The following BCAS4 variants were observed in gnomAD, a reference collection of about 807,000 sequenced individuals.
BCAS4 encodes the protein breast carcinoma-amplified sequence 4.
BCAS4 carries 9 observed loss-of-function variants against 15.7 expected under a neutral mutation model. The ratio of observed to expected loss-of-function variants is 0.57; its 90% confidence interval spans 0.34 to 1.00. BCAS4 has a LOEUF of 1.00. Ranked by LOEUF, BCAS4 falls within the 50% of genes least tolerant of loss-of-function variation. The pLI is 0.02. For synonymous variants in BCAS4, 101 were observed against 99.5 expected (o/e 1.02, Z -0.09); for missense variants, 225 against 239.1 (o/e 0.94, Z 0.39).
At chr20:50,803,704 G>T (rs2087955724) in intron 1 of BCAS4, among the ~76,000 whole-genome samples, 2 of 151,154 alleles carry the variant, frequency 1.3e-5, no homozygotes, top group Admixed American at 6.6e-5. Context: ...AATTAGCCAG[G>T]TGTGGTGGCA....
chr20:50,821,326 C>CGTCTG (rs2088213674), intron 2 of BCAS4, among the ~76,000 whole-genome samples: 1 of 152,250 alleles, frequency 6.6e-6, no homozygotes, highest in South Asian at 2.1e-4. Context: ...GCCAGTTCTG[C>CGTCTG]AAATATGTGA....
At chr20:50,811,053 A>G (rs1277223612) in intron 1 of BCAS4, among the ~76,000 whole-genome samples, 1 of 152,166 alleles carries the variant, frequency 6.6e-6, no homozygotes, top group African/African-American at 2.4e-5. Context: ...TCACCAGTAA[A>G]GGGAACAGCA....
Position 50,841,914 on chromosome 20 carries a change from C to T in BCAS4, c.399+14C>T. The T allele has an allele frequency of 1.9e-6, 3 of 1,550,384 alleles. No homozygotes were observed. The highest frequency in any genetic ancestry group is 2.6e-6 in the Non-Finnish European group (3 of 1,147,252). Reference sequence around the variant, plus strand: ...TCCTTCAGGAACGTGAGTATCCTGCCCCGAGAAGTGAGGGGAGGGCCTCTC... The same window carrying T: ...TCCTTCAGGAACGTGAGTATCCTGCTCCGAGAAGTGAGGGGAGGGCCTCTC... On this transcript the variant is annotated intron_variant, in intron 4 of 4. Coordinates refer to ENST00000371608, the MANE Select transcript of BCAS4 (RefSeq NM_198799.4).
At chr20:50,811,240 C>A (rs1377655527) in intron 1 of BCAS4, among the ~76,000 whole-genome samples, 5 of 152,096 alleles carry the variant, frequency 3.3e-5, no homozygotes, top group Admixed American at 2.0e-4. Flanking sequence ...TGGTGCCCAT[C>A]TGTAGTCCCA....
chr20:50,814,369 T>G (rs2088111634), intron 1 of BCAS4, among the ~76,000 whole-genome samples: 1 of 152,200 alleles, frequency 6.6e-6, no homozygotes, highest in Non-Finnish European at 1.5e-5. Flanking sequence ...CACTGTAGCC[T>G]CAACCTCCTG....
At chr20:50,810,589 G>GTTT (rs11316235) in intron 1 of BCAS4, among the ~76,000 whole-genome samples, 42 of 136,018 alleles carry the variant, frequency 3.1e-4, no homozygotes, top group African/African-American at 9.0e-4. Flanking sequence ...TTTTTTTTGT[G>GTTT]TTTTTTTTTT....
chr20:50,796,474 TATATATATATA>T (rs1296140676), intron 1 of BCAS4, among the ~76,000 whole-genome samples: 28 of 13,494 alleles, frequency 2.1e-3, no homozygotes, highest in African/African-American at 7.7e-3. Flanking sequence ...TATATATATA[TATATATATATA>T]TATTTTTTTT....
At chr20:50,795,489 C>G (rs2087843573) in intron 1 of BCAS4, among the ~76,000 whole-genome samples, 1 of 152,308 alleles carries the variant, frequency 6.6e-6, no homozygotes, top group East Asian at 1.9e-4. Flanking sequence ...CCCGGGACCT[C>G]TGCTGCCCCG....
chr20:50,810,885 C>T (rs183200283), intron 1 of BCAS4, among the ~76,000 whole-genome samples: 9 of 151,700 alleles, frequency 5.9e-5, no homozygotes, highest in South Asian at 2.1e-4. Context: ...CCACCATGCC[C>T]GGCCATGAAA....
intron 1 of BCAS4, among the ~76,000 whole-genome samples, chr20:50,810,747 C>T (rs566927746): frequency 2.5e-4 from 38 of 152,046 alleles, no homozygotes; most frequent in African/African-American, 8.2e-4. Context: ...CCCGCAACAA[C>T]GCCCGGCTAA....
chr20:50,813,707 C>G (rs1250780890), intron 1 of BCAS4, among the ~76,000 whole-genome samples: 1 of 132,322 alleles, frequency 7.6e-6, no homozygotes, highest in African/African-American at 3.1e-5. Flanking sequence ...TTTGTGCCAG[C>G]CCCTTGGTGA....
At chr20:50,808,101 A>G (rs181385200) in intron 1 of BCAS4, among the ~76,000 whole-genome samples, 1 of 151,550 alleles carries the variant, frequency 6.6e-6, no homozygotes, top group East Asian at 1.9e-4. Context: ...TTTAATAGAG[A>G]TGGGGTTTCA....
At chr20:50,836,032 C>G (rs531178756) in intron 3 of BCAS4, among the ~76,000 whole-genome samples, 1 of 152,066 alleles carries the variant, frequency 6.6e-6, no homozygotes, top group African/African-American at 2.4e-5. Flanking sequence ...ATTCTCCTGC[C>G]TCAGCCTCCT....
chr20:50,819,200 A>G lies in BCAS4; in HGVS notation c.162+918A>G, dbSNP rs573180681. ...TGTGTCTCAAAAAAAAAAGAAAAGAAAAAGAAATTGCTTCTAGATCCCAGT... is the reference window on the plus strand; with the variant it reads ...TGTGTCTCAAAAAAAAAAGAAAAGAGAAAGAAATTGCTTCTAGATCCCAGT... On this transcript the variant is annotated intron_variant, in intron 2 of 4. Coordinates refer to ENST00000371608, the MANE Select transcript of BCAS4 (RefSeq NM_198799.4). Among the ~76,000 whole-genome samples the G allele has an allele frequency of 5.3e-5, 8 of 152,138 alleles. No individual in the cohort carries two copies. In the East Asian group the frequency reaches 1.4e-3, roughly 26 times the overall value.
chr20:50,863,672 C>T (rs942237725), intron 4 of BCAS4, among the ~76,000 whole-genome samples: 1 of 152,166 alleles, frequency 6.6e-6, no homozygotes, highest in African/African-American at 2.4e-5. Flanking sequence ...ATGTATGACT[C>T]TGATGTGACA....
intron 2 of BCAS4, among the ~76,000 whole-genome samples, chr20:50,819,792 T>G (rs1172202765): frequency 8.4e-6 from 1 of 118,414 alleles, no homozygotes; most frequent in African/African-American, 3.3e-5. Context: ...GTCTTTGTCT[T>G]TCTGTCTTTC....
chr20:50,812,137 TA>T (rs2088072489), intron 1 of BCAS4, among the ~76,000 whole-genome samples: 8 of 151,938 alleles, frequency 5.3e-5, no homozygotes, highest in Admixed American at 3.9e-4. Flanking sequence ...ACTTTTTATT[TA>T]TTTATTTTTT....
At chr20:50,854,762 C>G (rs1053187869) in intron 4 of BCAS4, among the ~76,000 whole-genome samples, 3 of 152,192 alleles carry the variant, frequency 2.0e-5, no homozygotes, top group South Asian at 2.1e-4. Context: ...GTTCCAAACC[C>G]CCCCCACCAT....
At chr20:50,828,071 C>T (rs370716501) in intron 2 of BCAS4, among the ~76,000 whole-genome samples, 1 of 151,574 alleles carries the variant, frequency 6.6e-6, no homozygotes, top group Non-Finnish European at 1.5e-5. Flanking sequence ...ATGAGGAAAC[C>T]GAGGCCCAGG....
Sources: gnomAD v4.1 joint callset for allele counts (sites outside exome capture counted in the v4.1 genomes callset) on GRCh38, gnomAD v4.1.1 for gene constraint, MANE v1.5 for transcripts, NCBI Gene and HGNC (gene_info 2026-07-23, HGNC 2026-07-21) for gene names.